NEO1: variants seen among roughly 807,000 people sequenced by gnomAD.
NEO1 encodes neogenin 1, also known as neogenin.
NEO1 carries 63 observed loss-of-function variants against 159.7 expected under a neutral mutation model. That is an observed-to-expected ratio of 0.39 (90% confidence interval 0.32 to 0.49). The LOEUF (loss-of-function observed/expected upper bound fraction) is 0.49. NEO1 is among the 20% of genes least tolerant of loss of function. NEO1 has a pLI of 0.85. For synonymous variants in NEO1, 633 were observed against 662.0 expected (o/e 0.96, Z 0.67); for missense variants, 1,615 against 1,831.0 (o/e 0.88, Z 2.15).
chr15:73,157,064 G>T (rs2033835405), intron 5 of NEO1, among the ~76,000 whole-genome samples: 1 of 152,156 alleles, frequency 6.6e-6, no homozygotes, highest in Non-Finnish European at 1.5e-5. Context: ...ACTCCTAACT[G>T]TGGCAGCAGA....
chr15:73,265,892 C>A (rs1022385473), intron 15 of NEO1, among the ~76,000 whole-genome samples: 1 of 152,212 alleles, frequency 6.6e-6, no homozygotes, highest in Non-Finnish European at 1.5e-5. Context: ...ACTGACTTAA[C>A]AGTTTATCTC....
At chr15:73,238,874 G>C (rs1346721958) in intron 8 of NEO1, among the ~76,000 whole-genome samples, 2 of 151,380 alleles carry the variant, frequency 1.3e-5, no homozygotes, top group Non-Finnish European at 2.9e-5. Flanking sequence ...TGGAGACAAA[G>C]GTCTCGCTGG....
chr15:73,246,221 C>A (rs1364559638), intron 9 of NEO1, among the ~76,000 whole-genome samples: 1 of 152,148 alleles, frequency 6.6e-6, no homozygotes, highest in Admixed American at 6.5e-5. Context: ...CAAGCTTGGT[C>A]TTCTTCCCTT....
In NEO1 at chr15:73,123,273, AG is replaced by A. The variant is rs575338430; in HGVS notation, c.724+476del. ...AAATGTGCCAGAAGATCCACTCTTT[AG>A]GGAATGCATTATTAAAAATTTATCA... On this transcript the variant is annotated intron_variant, in intron 3 of 28. Coordinates refer to ENST00000261908, the MANE Select transcript of NEO1 (RefSeq NM_002499.4). Among the ~76,000 whole-genome samples, 322 of 152,324 alleles carry A rather than the reference AG, an allele frequency of 2.1e-3. 2 individuals carry two copies. The highest frequency in any genetic ancestry group is 7.4e-3 in the African/African-American group (307 of 41,580).
chr15:73,206,364 A>G lies in NEO1; in HGVS notation c.1291+27937A>G, dbSNP rs959833012. 1.1e-4 allele frequency among the ~76,000 whole-genome samples: 16 copies of G among 151,964 alleles called. 1 individual carries two copies. Among genetic ancestry groups the G allele is most frequent in the Middle Eastern group, 3.4e-3 (1 of 294 alleles). On this transcript the variant is annotated intron_variant, in intron 7 of 28. Coordinates refer to ENST00000261908, the MANE Select transcript of NEO1 (RefSeq NM_002499.4). ...TCATTGTGTTAATTGTTAATTCTAGATTGTTTAGCTTTCTATACATATTTG... is the reference window on the plus strand; with the variant it reads ...TCATTGTGTTAATTGTTAATTCTAGGTTGTTTAGCTTTCTATACATATTTG...
chr15:73,172,969 A>G (rs2035059997), intron 5 of NEO1, among the ~76,000 whole-genome samples: 1 of 152,218 alleles, frequency 6.6e-6, no homozygotes, highest in South Asian at 2.1e-4. Context: ...TAGTTTGGTG[A>G]TATGCAACTT....
rs141115998 is a variant in NEO1, at chr15:73,232,733, G to A, written c.1292-3614G>A. ...TACCATCCATTGCTTGCCTCAATGA[G>A]ATACAACCTCAGGCCAGCAGAGCAC... On this transcript the variant is annotated intron_variant, in intron 7 of 28. Transcript: ENST00000261908. Among the ~76,000 whole-genome samples the A allele has an allele frequency of 1.8e-3, 272 of 152,254 alleles. 1 individual carries two copies. Among genetic ancestry groups the A allele is most frequent in the African/African-American group, 6.4e-3 (265 of 41,536 alleles).
At chr15:73,250,205 T>C (rs1226298174) in intron 11 of NEO1, among the ~76,000 whole-genome samples, 1 of 152,118 alleles carries the variant, frequency 6.6e-6, no homozygotes, top group African/African-American at 2.4e-5. Context: ...TATATGTATA[T>C]ACACCCATGA....
chr15:73,294,449 A>T (rs541460073), intron 26 of NEO1, among the ~76,000 whole-genome samples: 1 of 152,316 alleles, frequency 6.6e-6, no homozygotes. Flanking sequence ...ATTTCAAGTG[A>T]GTTCCATTTT....
intron 7 of NEO1, among the ~76,000 whole-genome samples, chr15:73,204,231 C>A (rs2152066296): frequency 6.6e-6 from 1 of 150,870 alleles, no homozygotes; most frequent in South Asian, 2.1e-4. Context: ...TTTTTTTATT[C>A]TGCCGTCTTT....
At chr15:73,209,627 A>G (rs1484114132) in intron 7 of NEO1, among the ~76,000 whole-genome samples, 1 of 152,220 alleles carries the variant, frequency 6.6e-6, no homozygotes, top group Non-Finnish European at 1.5e-5. Flanking sequence ...ATTCATACAT[A>G]CATTTTTATG....
At chr15:73,117,375 C>T (rs1165672939) in intron 2 of NEO1, among the ~76,000 whole-genome samples, 1 of 152,040 alleles carries the variant, frequency 6.6e-6, no homozygotes, top group Non-Finnish European at 1.5e-5. Flanking sequence ...TCAGAGTATC[C>T]TTATTTGAAG....
rs573520526 is a variant in NEO1, at chr15:73,288,819, A to C, written c.3649+268A>C. On this transcript the variant is annotated intron_variant, in intron 24 of 28. Transcript: ENST00000261908. ...GCGTGATATTCAAGGATTTGAGGCT[A>C]GCTAGCCCATGTCTGTGCATTTCAT... Among the ~76,000 whole-genome samples the C allele has an allele frequency of 5.3e-5, 8 of 152,288 alleles. No homozygotes were observed. In the South Asian group the frequency reaches 1.5e-3, roughly 28 times the overall value.
chr15:73,087,772 C>A (rs1384464647), intron 1 of NEO1, among the ~76,000 whole-genome samples: 1 of 151,992 alleles, frequency 6.6e-6, no homozygotes, highest in Non-Finnish European at 1.5e-5. Flanking sequence ...CCTCTGTATA[C>A]ATAATTGTAT....
Position 73,208,883 on chromosome 15 carries a change from A to T in NEO1, c.1292-27464A>T, listed in dbSNP as rs140416324. Among the ~76,000 whole-genome samples, 4 of 152,198 alleles carry T rather than the reference A, an allele frequency of 2.6e-5. No homozygotes were observed. In the South Asian group the frequency reaches 8.3e-4, roughly 32 times the overall value. ...TCTCAAAATTAAAATAAAATAAAAT[A>T]AAAATAAAAACAAAAAACCTTAAGA... On this transcript the variant is annotated intron_variant, in intron 7 of 28. Coordinates refer to ENST00000261908, the MANE Select transcript of NEO1 (RefSeq NM_002499.4).
At chr15:73,264,141 T>G (rs760762214) in intron 15 of NEO1, among the ~76,000 whole-genome samples, 77 of 152,040 alleles carry the variant, frequency 5.1e-4, no homozygotes, top group Non-Finnish European at 9.0e-4. Flanking sequence ...GAGTCCTGAT[T>G]ATACCACTGT....
intron 5 of NEO1, among the ~76,000 whole-genome samples, chr15:73,139,008 G>A (rs1388627765): frequency 6.6e-6 from 1 of 152,130 alleles, no homozygotes; most frequent in Non-Finnish European, 1.5e-5. Context: ...AAAAAGCAGT[G>A]CGGATTTTTC....
At chr15:73,228,791 A>C (rs997807641) in intron 7 of NEO1, among the ~76,000 whole-genome samples, 7 of 152,256 alleles carry the variant, frequency 4.6e-5, no homozygotes, top group Non-Finnish European at 1.0e-4. Context: ...ATTACTTTGC[A>C]TGTGGATATA....
At chr15:73,188,010 A>G (rs2036030569) in intron 7 of NEO1, among the ~76,000 whole-genome samples, 1 of 152,130 alleles carries the variant, frequency 6.6e-6, no homozygotes, top group Admixed American at 6.5e-5. Flanking sequence ...CCTTTCTCCT[A>G]CCAAATCCAG....
Sources: gnomAD v4.1 joint callset for allele counts (sites outside exome capture counted in the v4.1 genomes callset) on GRCh38, gnomAD v4.1.1 for gene constraint, MANE v1.5 for transcripts, NCBI Gene and HGNC (gene_info 2026-07-23, HGNC 2026-07-21) for gene names.